The following ZCCHC14 variants were observed in gnomAD, a reference collection of about 807,000 sequenced individuals.
ZCCHC14 encodes the protein zinc finger CCHC domain-containing protein 14.
ZCCHC14 carries 16 observed loss-of-function variants against 85.0 expected under a neutral mutation model. That is an observed-to-expected ratio of 0.19 (90% CI 0.13 to 0.29). The LOEUF is 0.29. Among genes scored for constraint, ZCCHC14 ranks in the 10% least tolerant of loss-of-function variants. The pLI, the probability that ZCCHC14 is intolerant of heterozygous loss-of-function variation, is 1.00. For missense variants in ZCCHC14, 1,303 were observed against 1,443.5 expected (o/e 0.90, Z 1.58); for synonymous variants, 775 against 630.7 (o/e 1.23, Z -3.43).
chr16:87,477,008 C>A (rs1435616305), intron 1 of ZCCHC14, among the ~76,000 whole-genome samples: 1 of 151,054 alleles, frequency 6.6e-6, no homozygotes, highest in Non-Finnish European at 1.5e-5. Flanking sequence ...GCCTGTAATC[C>A]CAGCTACTCA....
At chr16:87,463,959 A>G (rs946426956) in intron 1 of ZCCHC14, among the ~76,000 whole-genome samples, 4 of 152,164 alleles carry the variant, frequency 2.6e-5, no homozygotes, top group African/African-American at 9.7e-5. Context: ...AACTGGGACC[A>G]CAGGTGCACA....
rs75127617 is a variant in ZCCHC14, at chr16:87,436,380, C to T, written c.695-3179G>A. ...CGCAGCGAGGCTCCCTCTACTCCTG[C>T]CCTGGACCCCATGTGCTCCGCGGGC... is the stretch of plus-strand genomic sequence containing the variant. On this transcript the variant is annotated intron_variant, in intron 2 of 12. Transcript: ENST00000671377. Among the ~76,000 whole-genome samples, 23 of 152,388 alleles carry T rather than the reference C, an allele frequency of 1.5e-4. No homozygotes were observed. The South Asian group carries it at 3.9e-3, about 26-fold the overall frequency.
intron 2 of ZCCHC14, among the ~76,000 whole-genome samples, chr16:87,436,860 C>T (rs138132143): frequency 5.3e-5 from 8 of 152,170 alleles, no homozygotes; most frequent in Admixed American, 2.0e-4. Context: ...CAGCTGTGTA[C>T]GGTGGCGAAG....
intron 1 of ZCCHC14, chr16:87,467,698 C>A: frequency 1.4e-6 from 1 of 736,100 alleles, no homozygotes; most frequent in Non-Finnish European, 2.4e-6. Context: ...GTCGCCCAGG[C>A]TGGAGTGCAG....
chr16:87,458,766 C>T (rs1911104413), intron 2 of ZCCHC14, among the ~76,000 whole-genome samples: 2 of 152,248 alleles, frequency 1.3e-5, no homozygotes, highest in African/African-American at 2.4e-5. Context: ...CCTCACGTGG[C>T]GCACCTGCTA....
chr16:87,490,226 T>C lies in ZCCHC14; in HGVS notation c.570+1443A>G, dbSNP rs1251282119. On this transcript the variant is annotated intron_variant, in intron 1 of 12. Coordinates refer to ENST00000671377, the MANE Select transcript of ZCCHC14 (RefSeq NM_015144.3). Reference sequence around the variant, plus strand: ...AAAAAAGAAAAGCCACAATCTACGATTGAAAGACAGCTTTAAAAACACACA... The same window carrying C: ...AAAAAAGAAAAGCCACAATCTACGACTGAAAGACAGCTTTAAAAACACACA... Among the ~76,000 whole-genome samples the C allele has an allele frequency of 4.6e-5, 7 of 152,312 alleles. No individual in the cohort carries two copies. In the South Asian group the frequency reaches 8.3e-4, roughly 18 times the overall value.
intron 1 of ZCCHC14, among the ~76,000 whole-genome samples, chr16:87,482,229 T>A (rs1192553220): frequency 2.6e-5 from 4 of 152,088 alleles, no homozygotes; most frequent in Non-Finnish European, 4.4e-5. Flanking sequence ...GAGCTGGAGG[T>A]CTGGTTGAGC....
At chr16:87,414,640 T>A (rs1215731121) in intron 9 of ZCCHC14, 99 bp from the exon 10 acceptor site, 1 of 1,477,076 alleles carries the variant, frequency 6.8e-7, no homozygotes, top group African/African-American at 1.4e-5. Context: ...CAGGGCGGCT[T>A]TGATACAGGG....
At chr16:87,481,284 T>C (rs1349089180) in intron 1 of ZCCHC14, among the ~76,000 whole-genome samples, 6 of 152,210 alleles carry the variant, frequency 3.9e-5, no homozygotes, top group Non-Finnish European at 8.8e-5. Flanking sequence ...GAAAATAAAA[T>C]GGAGCAGCTA....
chr16:87,447,579 T>C lies in ZCCHC14; in HGVS notation c.694+12429A>G, dbSNP rs1215641876. Among the ~76,000 whole-genome samples the C allele has an allele frequency of 2.6e-5, 4 of 152,232 alleles. 1 individual carries two copies. The highest frequency in any genetic ancestry group is 2.0e-4 in the Admixed American group (3 of 15,282). ...TGAGTTCTCTTCCATTGTATAAATATACCACAGCTTGTTTATCCATTCTCC... is the reference window on the plus strand; with the variant it reads ...TGAGTTCTCTTCCATTGTATAAATACACCACAGCTTGTTTATCCATTCTCC... On this transcript the variant is annotated intron_variant, in intron 2 of 12. Coordinates refer to ENST00000671377, the MANE Select transcript of ZCCHC14 (RefSeq NM_015144.3).
At position 87,406,421 on chromosome 16, in the gene ZCCHC14, CTA is replaced by C. The variant is rs1430904137; in HGVS notation, c.*3857_*3858del. On this transcript the variant is annotated 3_prime_UTR_variant, in exon 13 of 13. Coordinates refer to ENST00000671377, the MANE Select transcript of ZCCHC14 (RefSeq NM_015144.3). The stretch of plus-strand genomic sequence containing the variant: ...AGCGGAATATTAAATATTTACAAAA[CTA>C]TATCTTTTAAAAATATTTATAAAGT... The C allele has an allele frequency of 2.6e-5, 4 of 152,676 alleles. No individual in the cohort carries two copies. Among genetic ancestry groups the C allele is most frequent in the African/African-American group, 9.6e-5 (4 of 41,534 alleles). The allele number at this position is 152,676 out of a possible 1,614,324, so 9.5% of individuals were successfully genotyped here.
At chr16:87,480,498 G>A (rs534160912) in intron 1 of ZCCHC14, among the ~76,000 whole-genome samples, 1 of 152,094 alleles carries the variant, frequency 6.6e-6, no homozygotes, top group African/African-American at 2.4e-5. Flanking sequence ...ATATATGAGA[G>A]GTAGTCATTG....
chr16:87,422,976 A>G (rs73240812), intron 4 of ZCCHC14, among the ~76,000 whole-genome samples: 12 of 152,286 alleles, frequency 7.9e-5, no homozygotes, highest in Non-Finnish European at 1.6e-4. Flanking sequence ...GGCCAAAAAG[A>G]TAAGTGTAAT....
intron 6 of ZCCHC14, among the ~76,000 whole-genome samples, 200 bp downstream of exon 6, chr16:87,419,583 G>A (rs1239050664): frequency 2.6e-5 from 4 of 152,224 alleles, no homozygotes; most frequent in Non-Finnish European, 5.9e-5. Context: ...TTATAGGCGT[G>A]AGCCACTGCG....
intron 3 of ZCCHC14, among the ~76,000 whole-genome samples, chr16:87,431,422 G>A (rs1203437855): frequency 6.9e-6 from 1 of 145,144 alleles, no homozygotes; most frequent in Admixed American, 7.0e-5. Flanking sequence ...ACAGTGAGCC[G>A]AGATCGCGTC....
Position 87,460,127 on chromosome 16 carries a change from G to C in ZCCHC14, c.575C>G (p.Thr192Ser), listed in dbSNP as rs758252368. ...GCTGACAGGGGCCTCAGTTCTTGGA[G>C]TGATCTGAGGGAACAGAAACAGAAT... Reference protein sequence around the residue: ...LPTCPACHKITPRTEAPVSSV... With the variant: ...LPTCPACHKISPRTEAPVSSV... Residue 192 changes from threonine (T) to serine (S), a missense_variant, in exon 2 of 13, where the codon ACT becomes AGT. Physicochemically the swap from Thr to Ser is moderately conservative, Grantham distance 58. This residue lies in a region of ZCCHC14 where 389 missense variants were observed against 397.8 expected (regional missense o/e 0.98). Transcript: ENST00000671377. 10 of 1,613,954 alleles carry C rather than the reference G, an allele frequency of 6.2e-6. No individual in the cohort carries two copies. In the East Asian group the frequency reaches 2.0e-4, roughly 32 times the overall value.
At chr16:87,425,536 A>G (rs1294496031) in intron 3 of ZCCHC14, among the ~76,000 whole-genome samples, 2 of 151,964 alleles carry the variant, frequency 1.3e-5, no homozygotes, top group Non-Finnish European at 2.9e-5. Flanking sequence ...AGATCGCGCC[A>G]TTGCACTCCA....
chr16:87,462,880 A>G (rs1911339227), intron 1 of ZCCHC14, among the ~76,000 whole-genome samples: 2 of 150,064 alleles, frequency 1.3e-5, no homozygotes, highest in African/African-American at 4.9e-5. Flanking sequence ...GACCAGCCTG[A>G]CCAACATGGT....
rs1196711592 is a variant in ZCCHC14, at chr16:87,433,071, G to T, written c.768+57C>A. On this transcript the variant is annotated intron_variant, in intron 3 of 12. Transcript: ENST00000671377. ...GCTAGGAAGGAAAAGCATCTCCAGGGTAAGTGTTTTCTTCCTAGCCTTCCA... is the reference window on the plus strand; with the variant it reads ...GCTAGGAAGGAAAAGCATCTCCAGGTTAAGTGTTTTCTTCCTAGCCTTCCA... The T allele has an allele frequency of 1.8e-5, 27 of 1,542,410 alleles. No individual in the cohort carries two copies. The East Asian group carries it at 3.8e-4, about 22-fold the overall frequency.
Sources: allele counts gnomAD v4.1 joint callset (sites outside exome capture counted in the v4.1 genomes callset), GRCh38; gene constraint gnomAD v4.1.1; regional missense constraint gnomAD v4.1.1; transcripts MANE v1.5; gene names NCBI Gene and HGNC (gene_info 2026-07-23, HGNC 2026-07-21).